The following NXPE2 variants were observed in gnomAD, a reference collection of about 807,000 sequenced individuals.
The protein encoded by NXPE2 is neurexophilin and PC-esterase domain family member 2, also known as NXPE family member 2.
A neutral mutation model predicts 34.4 loss-of-function variants in NXPE2; 34 were observed. That is an observed-to-expected ratio of 0.99 (90% confidence interval 0.75 to 1.31). NXPE2 has a LOEUF of 1.31. Ranked by LOEUF, NXPE2 falls within the 40% of genes most tolerant of loss-of-function variation. The probability of loss-of-function intolerance (pLI) is 0.00; values close to 1 mark genes in which losing one functional copy is unlikely to be tolerated. For synonymous variants in NXPE2, 235 were observed against 231.3 expected, an observed-to-expected ratio of 1.02 and a Z score of -0.15; for missense variants, 649 against 672.5, an observed-to-expected ratio of 0.97 and a Z score of 0.39.
upstream of NXPE2, among the ~76,000 whole-genome samples, chr11:114,673,541 T>C (rs574342865): frequency 1.3e-5 from 2 of 151,768 alleles, no homozygotes; most frequent in South Asian, 4.2e-4. Flanking sequence ...AAAAAAGTCC[T>C]TTCAAAAGAC....
chr11:114,688,124 T>A (rs1951081290), intron 2 of NXPE2, among the ~76,000 whole-genome samples: 1 of 152,058 alleles, frequency 6.6e-6, no homozygotes, highest in Admixed American at 6.6e-5. Flanking sequence ...ACTTCCAGTA[T>A]GTTGAATAGG....
the NXPE2 span, among the ~76,000 whole-genome samples, chr11:114,615,331 C>T: frequency 9.2e-5 from 14 of 151,830 alleles, no homozygotes; most frequent in Non-Finnish European, 1.3e-4. Flanking sequence ...CACCATTACC[C>T]GCCGGATACT....
At chr11:114,570,206 T>A in the NXPE2 span, among the ~76,000 whole-genome samples, 1 of 152,140 alleles carries the variant, frequency 6.6e-6, no homozygotes, top group Non-Finnish European at 1.5e-5. Context: ...TAATAAACTC[T>A]CCTGGACTTT....
At chr11:114,534,035 C>A in the NXPE2 span, among the ~76,000 whole-genome samples, 2 of 152,194 alleles carry the variant, frequency 1.3e-5, no homozygotes, top group Admixed American at 1.3e-4. Context: ...AGGCACCCCC[C>A]AGTAGGGGCA....
the NXPE2 span, among the ~76,000 whole-genome samples, chr11:114,726,000 AAAAG>A: frequency 1.0e-5 from 1 of 98,234 alleles, no homozygotes; most frequent in African/African-American, 3.7e-5. Flanking sequence ...TATAAAAAGA[AAAAG>A]AAAACCATAA....
intron 2 of NXPE2, among the ~76,000 whole-genome samples, chr11:114,694,165 T>C (rs1341497242): frequency 1.3e-5 from 2 of 152,240 alleles, no homozygotes; most frequent in Non-Finnish European, 2.9e-5. Context: ...ACTCTCATGA[T>C]TACATTTGAC....
chr11:114,616,930 A>G, the NXPE2 span, among the ~76,000 whole-genome samples: 3 of 146,662 alleles, frequency 2.0e-5, no homozygotes, highest in Non-Finnish European at 4.4e-5. Flanking sequence ...CTGGTGGATA[A>G]TAAGTGTTGC....
intron 2 of NXPE2, among the ~76,000 whole-genome samples, chr11:114,697,114 T>C (rs1030031667): frequency 4.6e-5 from 7 of 152,164 alleles, no homozygotes; most frequent in Non-Finnish European, 1.0e-4. Context: ...TGGTTGACCA[T>C]GGGTAACTAA....
the NXPE2 span, among the ~76,000 whole-genome samples, chr11:114,666,003 G>T: frequency 6.6e-6 from 1 of 152,040 alleles, no homozygotes; most frequent in African/African-American, 2.4e-5. Context: ...ACAGGTTTCC[G>T]ATTCCAGTGC....
At chr11:114,513,346 T>G in the NXPE2 span, 1 of 430,276 alleles carries the variant, frequency 2.3e-6, no homozygotes, top group East Asian at 5.3e-5. Context: ...CCTTTATTCT[T>G]AGCTTAGTCT....
At chr11:114,739,384 T>TTCCCTTCCTCCC in the NXPE2 span, among the ~76,000 whole-genome samples, 2 of 104,186 alleles carry the variant, frequency 1.9e-5, no homozygotes, top group Non-Finnish European at 3.7e-5. Flanking sequence ...CACTCACTCC[T>TTCCCTTCCTCCC]TCCCTTCCTC....
the NXPE2 span, among the ~76,000 whole-genome samples, chr11:114,669,211 C>G: frequency 5.9e-5 from 9 of 152,204 alleles, no homozygotes; most frequent in Middle Eastern, 3.4e-3. Context: ...GATTTAAAGT[C>G]TTTGGAAATT....
the NXPE2 span, among the ~76,000 whole-genome samples, chr11:114,524,073 A>G: frequency 9.3e-3 from 1,417 of 152,282 alleles, 23 homozygotes; most frequent in African/African-American, 0.031. Flanking sequence ...GTGTGGCTTT[A>G]ATCTCATGGT....
At chr11:114,529,014 TG>T in the NXPE2 span, 5 of 411,134 alleles carry the variant, frequency 1.2e-5, no homozygotes, top group African/African-American at 1.0e-4. Flanking sequence ...AGCCAAAACT[TG>T]GATAATGAGG....
At chr11:114,594,841 A>T in the NXPE2 span, 1 of 822,336 alleles carries the variant, frequency 1.2e-6, no homozygotes, top group East Asian at 2.5e-5. Context: ...CATGGGAAAC[A>T]TTTGAAATTT....
chr11:114,653,025 G>T, the NXPE2 span, among the ~76,000 whole-genome samples: 2 of 152,182 alleles, frequency 1.3e-5, no homozygotes, highest in Non-Finnish European at 2.9e-5. Context: ...GGGGGGTTCT[G>T]CTGATGTAGA....
chr11:114,689,459 G>GATTTCAAT (rs2135545899), intron 2 of NXPE2, among the ~76,000 whole-genome samples: 1 of 152,070 alleles, frequency 6.6e-6, no homozygotes, highest in East Asian at 1.9e-4. Flanking sequence ...TGCTTGGTAT[G>GATTTCAAT]ATTTCAATAT....
the NXPE2 span, among the ~76,000 whole-genome samples, chr11:114,560,803 G>A: frequency 6.6e-6 from 1 of 152,096 alleles, no homozygotes; most frequent in Non-Finnish European, 1.5e-5. Context: ...TCTAACCCCT[G>A]GTCACCACTG....
chr11:114,667,905 T>A, the NXPE2 span, among the ~76,000 whole-genome samples: 1 of 151,814 alleles, frequency 6.6e-6, no homozygotes, highest in African/African-American at 2.4e-5. Flanking sequence ...AGATAATAAA[T>A]GTTTATTGTT....
Sources: gnomAD v4.1 joint callset for allele counts (sites outside exome capture counted in the v4.1 genomes callset) on GRCh38, gnomAD v4.1.1 for gene constraint, MANE v1.5 for transcripts, NCBI Gene and HGNC (gene_info 2026-07-23, HGNC 2026-07-21) for gene names.